ADCY2: variants seen among roughly 807,000 people sequenced by gnomAD.
ADCY2 encodes adenylate cyclase 2.
Under a neutral mutation model 125.2 loss-of-function variants are expected in ADCY2, and 31 were observed. That is an observed-to-expected ratio of 0.25 (90% CI 0.19 to 0.33). The LOEUF (loss-of-function observed/expected upper bound fraction) is 0.33, where lower values mean the gene tolerates loss of function less well. ADCY2 is among the 10% of genes least tolerant of loss of function. ADCY2 has a pLI of 1.00. For missense variants in ADCY2, 904 were observed against 1,418.2 expected (o/e 0.64, Z 5.82); for synonymous variants, 512 against 548.4 (o/e 0.93, Z 0.93).
At chr5:7,526,654 C>G (rs531027028) in intron 3 of ADCY2, among the ~76,000 whole-genome samples, 2 of 152,144 alleles carry the variant, frequency 1.3e-5, no homozygotes, top group Non-Finnish European at 2.9e-5. Flanking sequence ...AGAGAACTAA[C>G]ACATTTTGAA....
intron 3 of ADCY2, among the ~76,000 whole-genome samples, chr5:7,551,816 TA>T: frequency 6.6e-6 from 1 of 152,346 alleles, no homozygotes; most frequent in Non-Finnish European, 1.5e-5. Context: ...AGTATGTAAT[TA>T]TTAACTGGTT....
At chr5:7,499,156 C>T (rs961361307) in intron 2 of ADCY2, among the ~76,000 whole-genome samples, 3 of 152,186 alleles carry the variant, frequency 2.0e-5, no homozygotes, top group Admixed American at 6.5e-5. Context: ...TACAGGCATG[C>T]GCCACCACAG....
At position 7,396,662 on chromosome 5, in the gene ADCY2, C is replaced by T. The variant is rs1027060973; in HGVS notation, c.210+156C>T. Among the ~76,000 whole-genome samples the T allele has an allele frequency of 2.7e-5, 4 of 146,870 alleles. No homozygotes were observed. The highest frequency in any genetic ancestry group is 6.0e-5 in the Non-Finnish European group (4 of 67,142). ...GGCCCGCGGCTCCCTGCTTCTCCTG[C>T]TGGCCCGCGGCCCGGTGGACTCTGG... On this transcript the variant is annotated intron_variant, in intron 1 of 24. Coordinates refer to ENST00000338316, the MANE Select transcript of ADCY2 (RefSeq NM_020546.3). This position sits in a 1 kb window ranked among gnomAD's most constrained non-coding sequence, Gnocchi z 5.7.
intron 2 of ADCY2, among the ~76,000 whole-genome samples, chr5:7,508,836 C>T (rs1477362116): frequency 1.3e-5 from 2 of 152,156 alleles, no homozygotes; most frequent in African/African-American, 4.8e-5. Context: ...AGAAAACCCC[C>T]TCCAAAAGAA....
intron 1 of ADCY2, among the ~76,000 whole-genome samples, chr5:7,403,712 T>C (rs1739353715): frequency 6.6e-6 from 1 of 152,200 alleles, no homozygotes; most frequent in South Asian, 2.1e-4. Context: ...CATTTTATCA[T>C]ATATAGACAC....
At chr5:7,517,698 A>C (rs1398600085) in intron 2 of ADCY2, among the ~76,000 whole-genome samples, 1 of 152,220 alleles carries the variant, frequency 6.6e-6, no homozygotes, top group Non-Finnish European at 1.5e-5. Context: ...GGACTTCTGT[A>C]TTCAGAAAAC....
intron 2 of ADCY2, among the ~76,000 whole-genome samples, chr5:7,498,349 C>CGCCA (rs1312147092): frequency 6.8e-6 from 1 of 147,570 alleles, no homozygotes; most frequent in Non-Finnish European, 1.5e-5. Context: ...CCCAGGTTCA[C>CGCCA]GCCATTCTCC....
At chr5:7,656,689 C>A (rs1739343594) in intron 4 of ADCY2, among the ~76,000 whole-genome samples, 1 of 152,188 alleles carries the variant, frequency 6.6e-6, no homozygotes, top group African/African-American at 2.4e-5. Flanking sequence ...CATCTCATTA[C>A]ATAAGCAAAG....
chr5:7,772,284 C>T (rs890621641), intron 17 of ADCY2, among the ~76,000 whole-genome samples: 2 of 152,184 alleles, frequency 1.3e-5, no homozygotes, highest in Non-Finnish European at 1.5e-5. Flanking sequence ...CTGCCTTCAG[C>T]TTGTTCTGCC....
intron 23 of ADCY2, among the ~76,000 whole-genome samples, chr5:7,817,858 C>G: frequency 7.8e-6 from 1 of 127,500 alleles, no homozygotes; most frequent in Admixed American, 7.8e-5. Flanking sequence ...AAAAAAGTAA[C>G]GTTTACTTGG....
intron 3 of ADCY2, among the ~76,000 whole-genome samples, chr5:7,612,071 G>A (rs1305712203): frequency 2.0e-5 from 3 of 151,858 alleles, no homozygotes; most frequent in South Asian, 2.1e-4. Flanking sequence ...TTAATCGAAC[G>A]TTTTCTTTTT....
intron 4 of ADCY2, among the ~76,000 whole-genome samples, chr5:7,628,755 A>T (rs1024490038): frequency 2.6e-5 from 4 of 152,016 alleles, no homozygotes; most frequent in Non-Finnish European, 4.4e-5. Flanking sequence ...TGTGTCTACG[A>T]TGAGATGTGT....
At chr5:7,600,712 G>C (rs951673856) in intron 3 of ADCY2, among the ~76,000 whole-genome samples, 1 of 152,166 alleles carries the variant, frequency 6.6e-6, no homozygotes, top group South Asian at 2.1e-4. Context: ...TTCATGACTG[G>C]CTGGGCACAG....
Position 7,763,095 on chromosome 5 carries a change from T to C in ADCY2, c.2095-3592T>C, listed in dbSNP as rs144881463. ...TGTTTGTTTGTTTTTCTGTTTCTAA[T>C]GTATTTTTTTTTTTCCGAGACGGAG... On this transcript the variant is annotated intron_variant, in intron 16 of 24. Transcript: ENST00000338316. Among the ~76,000 whole-genome samples, 350 of 151,694 alleles carry C rather than the reference T, an allele frequency of 2.3e-3. 7 individuals are homozygous for C. The highest frequency in any genetic ancestry group is 0.022 in the East Asian group (113 of 5,164).
chr5:7,724,114 C>CA (rs1272949604), intron 12 of ADCY2, among the ~76,000 whole-genome samples: 29,194 of 76,304 alleles, frequency 0.38, 6,157 homozygotes, highest in Non-Finnish European at 0.41. Context: ...TAGAAGCTAA[C>CA]AAAAAAAAAA....
intron 3 of ADCY2, among the ~76,000 whole-genome samples, chr5:7,530,389 C>T (rs1734600828): frequency 6.6e-6 from 1 of 151,988 alleles, no homozygotes; most frequent in Non-Finnish European, 1.5e-5. Context: ...CTGTCAGAGC[C>T]CAAGTCTGGT....
At chr5:7,520,658 C>G (rs1335208297) in intron 2 of ADCY2, 80 bp from the exon 3 acceptor site, 6 of 1,505,422 alleles carry the variant, frequency 4.0e-6, no homozygotes, top group Non-Finnish European at 5.5e-6. Context: ...TTCTATGCAG[C>G]CTTTAGTGGC....
intron 3 of ADCY2, among the ~76,000 whole-genome samples, chr5:7,577,842 C>T (rs1253395406): frequency 6.6e-6 from 1 of 152,168 alleles, no homozygotes; most frequent in Non-Finnish European, 1.5e-5. Context: ...GTTAAAAGCA[C>T]TTACAGTTTG....
In ADCY2 at chr5:7,589,120, AAT is replaced by A. The variant is rs1186827755; in HGVS notation, c.571-37045_571-37044del. 5.9e-5 allele frequency among the ~76,000 whole-genome samples: 9 copies of A among 152,192 alleles called. 1 individual carries two copies. The highest frequency in any genetic ancestry group is 2.2e-4 in the African/African-American group (9 of 41,454). On this transcript the variant is annotated intron_variant, in intron 3 of 24. Coordinates refer to ENST00000338316, the MANE Select transcript of ADCY2 (RefSeq NM_020546.3). ...TTTGCAAGGCACTGTAATGGTCCTT[AAT>A]AGCCACTTGATAATTGCACAATAAC...
Sources: gnomAD v4.1 joint callset for allele counts (sites outside exome capture counted in the v4.1 genomes callset) on GRCh38, gnomAD v4.1.1 for gene constraint, Gnocchi (gnomAD v3.1) non-coding constraint, MANE v1.5 for transcripts, NCBI Gene and HGNC (gene_info 2026-07-23, HGNC 2026-07-21) for gene names.